Variants in ICA1 observed in about 807,000 individuals in gnomAD.
ICA1 encodes 69 kDa islet cell autoantigen.
In ICA1, 40 loss-of-function variants were observed where a neutral mutation model predicts 71.0. The observed-to-expected ratio is 0.56, with a 90% CI of 0.44 to 0.73. The LOEUF (loss-of-function observed/expected upper bound fraction) is 0.73. Ranked by LOEUF, ICA1 falls within the 30% of genes least tolerant of loss-of-function variation. ICA1 has a pLI of 0.00. For missense variants in ICA1, 578 were observed against 576.5 expected, an observed-to-expected ratio of 1.00 and a Z score of -0.03; for synonymous variants, 207 against 209.5, an observed-to-expected ratio of 0.99 and a Z score of 0.10.
intron 8 of ICA1, among the ~76,000 whole-genome samples, chr7:8,150,121 A>T (rs1798311383): frequency 6.6e-6 from 1 of 152,238 alleles, no homozygotes; most frequent in African/African-American, 2.4e-5. Context: ...AAGATAGAAA[A>T]TTGATAATGA....
intron 8 of ICA1, among the ~76,000 whole-genome samples, chr7:8,151,407 C>T (rs567182266): frequency 3.5e-3 from 537 of 152,340 alleles, no homozygotes; most frequent in Non-Finnish European, 5.7e-3. Context: ...AGTCCCTCCA[C>T]TCCCTCCTTT....
At chr7:8,163,340 G>C (rs913712474) in intron 6 of ICA1, among the ~76,000 whole-genome samples, 6 of 152,104 alleles carry the variant, frequency 3.9e-5, no homozygotes, top group African/African-American at 9.7e-5. Flanking sequence ...CAGTAGTTTT[G>C]CATTTTTCTA....
intron 6 of ICA1, among the ~76,000 whole-genome samples, chr7:8,159,367 A>G (rs1485116294): frequency 6.6e-6 from 1 of 152,220 alleles, no homozygotes; most frequent in Non-Finnish European, 1.5e-5. Context: ...TTTACACATT[A>G]TTTCATAACA....
intron 6 of ICA1, among the ~76,000 whole-genome samples, chr7:8,170,115 A>G (rs1057118784): frequency 6.6e-6 from 1 of 151,994 alleles, no homozygotes; most frequent in Non-Finnish European, 1.5e-5. Context: ...CGGATACCCA[A>G]TAGTCCAAGC....
intron 1 of ICA1, 22 bp from the exon 2 acceptor site, chr7:8,236,027 T>A: frequency 1.6e-6 from 2 of 1,230,888 alleles, no homozygotes; most frequent in Non-Finnish European, 1.2e-6. Context: ...CAAATATGTT[T>A]AATAGTTACA....
At chr7:8,261,912 A>T (rs908942295) in intron 1 of ICA1, 182 bp downstream of exon 1, 1 of 152,376 alleles carries the variant, frequency 6.6e-6, no homozygotes, top group Non-Finnish European at 1.5e-5. Context: ...GAAGGGGCTG[A>T]TGCGGTTCCC....
chr7:8,135,486 G>A lies in ICA1; in HGVS notation c.1060+3354C>T, dbSNP rs185898961. On this transcript the variant is annotated intron_variant, in intron 12 of 13. Coordinates refer to ENST00000402384, the MANE Select transcript of ICA1 (RefSeq NM_001136020.3). The stretch of plus-strand genomic sequence containing the variant: ...AAGACAGAGAGGAGGGAAAGTTCAT[G>A]AGAAAAGAGAAGGCGCTTTTTAGAA... 4.6e-5 allele frequency among the ~76,000 whole-genome samples: 7 copies of A among 152,302 alleles called. No homozygotes were observed. In the East Asian group the frequency reaches 1.3e-3, roughly 29 times the overall value.
intron 8 of ICA1, among the ~76,000 whole-genome samples, chr7:8,150,193 C>T (rs1352839383): frequency 9.9e-5 from 15 of 152,172 alleles, no homozygotes; most frequent in Non-Finnish European, 1.5e-5. Flanking sequence ...AGTGCTGTGG[C>T]ATGGACATGG....
At chr7:8,165,471 C>G (rs7798892) in intron 6 of ICA1, among the ~76,000 whole-genome samples, 143,286 of 152,254 alleles carry the variant, frequency 0.94, 67,454 homozygotes, top group African/African-American at 0.95. Flanking sequence ...AACAAGACAA[C>G]GATGCCCTCT....
chr7:8,188,872 C>T (rs1182729553), intron 6 of ICA1, among the ~76,000 whole-genome samples: 1 of 152,140 alleles, frequency 6.6e-6, no homozygotes, highest in Non-Finnish European at 1.5e-5. Flanking sequence ...TTCTATCTTT[C>T]AGTGACGCAA....
intron 12 of ICA1, among the ~76,000 whole-genome samples, chr7:8,128,526 A>G (rs900421274): frequency 1.3e-5 from 2 of 152,202 alleles, no homozygotes; most frequent in African/African-American, 4.8e-5. Context: ...CAAGCCCTCA[A>G]TACACATTGC....
Position 8,222,266 on chromosome 7 carries a change from C to A in ICA1, c.257-868G>T, listed in dbSNP as rs1455578641. 2.6e-5 allele frequency among the ~76,000 whole-genome samples: 4 copies of A among 152,150 alleles called. No individual in the cohort carries two copies. The highest frequency in any genetic ancestry group is 1.5e-5 in the Non-Finnish European group (1 of 68,032). ...AGTTTAATAAAATACAGCATACCCACATAATGGTACAGTGGGGGTCCTGAA... is the reference window on the plus strand; with the variant it reads ...AGTTTAATAAAATACAGCATACCCAAATAATGGTACAGTGGGGGTCCTGAA... On this transcript the variant is annotated intron_variant, in intron 4 of 13. Transcript: ENST00000402384. The surrounding 1 kb of genome is among the most constrained non-coding windows in gnomAD (Gnocchi z 4.8).
chr7:8,230,549 C>A (rs1799962300), intron 3 of ICA1, among the ~76,000 whole-genome samples: 1 of 152,178 alleles, frequency 6.6e-6, no homozygotes, highest in South Asian at 2.1e-4. Context: ...ATGCTACATA[C>A]CTAGGACAGC....
At chr7:8,166,953 T>G (rs1463976243) in intron 6 of ICA1, among the ~76,000 whole-genome samples, 2 of 152,122 alleles carry the variant, frequency 1.3e-5, no homozygotes, top group Non-Finnish European at 2.9e-5. Flanking sequence ...CTAGTCAGAA[T>G]GGCTATTAAA....
intron 13 of ICA1, among the ~76,000 whole-genome samples, chr7:8,114,438 G>C (rs1784145554): frequency 6.6e-6 from 1 of 152,330 alleles, no homozygotes; most frequent in Middle Eastern, 3.4e-3. Context: ...GTCTGCTGGA[G>C]GAATCTTTTC....
chr7:8,142,807 G>A lies in ICA1; in HGVS notation c.903-990C>T, dbSNP rs116402440. Among the ~76,000 whole-genome samples the A allele has an allele frequency of 6.9e-3, 1,047 of 152,272 alleles. 10 individuals carry two copies. Among genetic ancestry groups the A allele is most frequent in the African/African-American group, 0.024 (983 of 41,546 alleles). ...ATAGCTAGCACTATTACCATCACCAGGAATGGGTTAAACTGGTTCACCATA... is the reference window on the plus strand; with the variant it reads ...ATAGCTAGCACTATTACCATCACCAAGAATGGGTTAAACTGGTTCACCATA... On this transcript the variant is annotated intron_variant, in intron 9 of 13. Coordinates refer to ENST00000402384, the MANE Select transcript of ICA1 (RefSeq NM_001136020.3).
At chr7:8,170,639 T>C (rs974001900) in intron 6 of ICA1, among the ~76,000 whole-genome samples, 1 of 152,024 alleles carries the variant, frequency 6.6e-6, no homozygotes, top group Non-Finnish European at 1.5e-5. Context: ...AGAAATATAA[T>C]TAATTTTTAT....
At chr7:8,127,139 C>A (rs1789535728) in intron 13 of ICA1, among the ~76,000 whole-genome samples, 1 of 149,658 alleles carries the variant, frequency 6.7e-6, no homozygotes, top group South Asian at 2.1e-4. Flanking sequence ...TGCCATCATG[C>A]CTACCTAAGT....
intron 6 of ICA1, among the ~76,000 whole-genome samples, chr7:8,206,049 T>C (rs566987681): frequency 2.6e-5 from 4 of 152,130 alleles, no homozygotes; most frequent in African/African-American, 9.6e-5. Flanking sequence ...TTTCTCCACG[T>C]TCTCACTGAT....
Sources: allele counts gnomAD v4.1 joint callset (sites outside exome capture counted in the v4.1 genomes callset), GRCh38; gene constraint gnomAD v4.1.1; non-coding constraint Gnocchi (gnomAD v3.1); transcripts MANE v1.5; gene names NCBI Gene and HGNC (gene_info 2026-07-23, HGNC 2026-07-21).